Variants in SH3RF2 observed in about 807,000 individuals in gnomAD.
SH3RF2 encodes the protein E3 ubiquitin-protein ligase SH3RF2.
In SH3RF2, 43 loss-of-function variants were observed where a neutral mutation model predicts 59.0. That is an observed-to-expected ratio of 0.73 (90% CI 0.57 to 0.94). The LOEUF (loss-of-function observed/expected upper bound fraction) is 0.94, where lower values mean the gene tolerates loss of function less well. Among genes scored for constraint, SH3RF2 ranks in the 40% least tolerant of loss-of-function variants. The pLI is 0.00. For synonymous variants in SH3RF2, 391 were observed against 391.5 expected, an observed-to-expected ratio of 1.00 and a Z score of 0.01; for missense variants, 930 against 940.1, an observed-to-expected ratio of 0.99 and a Z score of 0.14.
chr5:146,051,465 G>A (rs1031396959), intron 7 of SH3RF2, among the ~76,000 whole-genome samples: 5 of 152,326 alleles, frequency 3.3e-5, no homozygotes, highest in East Asian at 1.9e-4. Flanking sequence ...GAATTGAACC[G>A]AAGTGTTAGC....
downstream of SH3RF2, among the ~76,000 whole-genome samples, chr5:146,064,627 GA>G (rs1763008317): frequency 8.9e-6 from 1 of 112,094 alleles, no homozygotes; most frequent in Non-Finnish European, 1.8e-5. Flanking sequence ...GAGAGAGAGA[GA>G]GGAGAGAGAG....
At chr5:145,971,868 GATA>G (rs754079733) in intron 2 of SH3RF2, among the ~76,000 whole-genome samples, 21 of 142,732 alleles carry the variant, frequency 1.5e-4, no homozygotes, top group Non-Finnish European at 2.5e-4. Flanking sequence ...AAATAATAGT[GATA>G]ATGATGATGA....
chr5:146,061,845 T>G (rs1762904389), intron 9 of SH3RF2, among the ~76,000 whole-genome samples: 1 of 152,094 alleles, frequency 6.6e-6, no homozygotes, highest in African/African-American at 2.4e-5. Context: ...AAGAGACATA[T>G]GAAATTCTGA....
chr5:146,053,332 C>T (rs1209916762), intron 7 of SH3RF2, among the ~76,000 whole-genome samples: 3 of 152,118 alleles, frequency 2.0e-5, no homozygotes, highest in Non-Finnish European at 4.4e-5. Context: ...TTATATAGAA[C>T]ATTTGTCAAG....
intron 5 of SH3RF2, among the ~76,000 whole-genome samples, chr5:146,024,245 T>G (rs1215471320): frequency 1.3e-5 from 2 of 152,218 alleles, no homozygotes; most frequent in African/African-American, 4.8e-5. Context: ...AACACTTGTT[T>G]TATTATCAAT....
At chr5:145,989,240 A>G (rs1174026286) in intron 2 of SH3RF2, among the ~76,000 whole-genome samples, 1 of 152,232 alleles carries the variant, frequency 6.6e-6, no homozygotes, top group African/African-American at 2.4e-5. Flanking sequence ...CCTTTGTGTA[A>G]GTGTGTATAA....
chr5:146,045,782 G>A (rs1762279439), intron 5 of SH3RF2, among the ~76,000 whole-genome samples: 1 of 152,186 alleles, frequency 6.6e-6, no homozygotes, highest in Non-Finnish European at 1.5e-5. Context: ...TAATGCTGCT[G>A]AAACATTTGC....
intron 2 of SH3RF2, among the ~76,000 whole-genome samples, chr5:145,991,430 G>A (rs889348467): frequency 1.3e-5 from 2 of 152,152 alleles, no homozygotes; most frequent in African/African-American, 4.8e-5. Context: ...CCTCTTCAGA[G>A]TCATTCACTC....
intron 5 of SH3RF2, among the ~76,000 whole-genome samples, chr5:146,043,531 A>T (rs533038510): frequency 6.6e-6 from 1 of 152,324 alleles, no homozygotes; most frequent in African/African-American, 2.4e-5. Context: ...CAGTTCAAAA[A>T]CTTTTGGTAA....
rs528005549 is a variant in SH3RF2, at chr5:146,002,117, C to T, written c.648+1790C>T. On this transcript the variant is annotated intron_variant, in intron 3 of 9. Transcript: ENST00000359120. ...TAACAAAACAGACATAGGCCCTGCA[C>T]ACATGAAGTTTATAGTCAGATAGGG... Among the ~76,000 whole-genome samples the T allele has an allele frequency of 1.4e-4, 21 of 152,306 alleles. No individual in the cohort carries two copies. In the South Asian group the frequency reaches 4.4e-3, roughly 32 times the overall value.
At chr5:145,999,962 G>A in intron 2 of SH3RF2, 96 bp from the exon 3 acceptor site, 1 of 1,468,796 alleles carries the variant, frequency 6.8e-7, no homozygotes, top group Non-Finnish European at 9.1e-7. Context: ...TGCAAAGCAT[G>A]TTAAAGCAAA....
intron 2 of SH3RF2, among the ~76,000 whole-genome samples, chr5:145,951,819 C>T (rs2149946724): frequency 6.6e-6 from 1 of 152,316 alleles, no homozygotes; most frequent in Admixed American, 6.5e-5. Flanking sequence ...GCTGGACTAC[C>T]TCGCTTAGTT....
chr5:146,049,436 C>G (rs113713442), intron 7 of SH3RF2, among the ~76,000 whole-genome samples, 191 bp downstream of exon 7: 2 of 152,216 alleles, frequency 1.3e-5, no homozygotes, highest in African/African-American at 4.8e-5. Flanking sequence ...TAGCCCTTCA[C>G]AGCTTACAAG....
intron 2 of SH3RF2, among the ~76,000 whole-genome samples, chr5:145,958,615 A>G (rs976899025): frequency 2.0e-5 from 3 of 152,220 alleles, no homozygotes; most frequent in African/African-American, 7.2e-5. Context: ...ATCTGGTCCG[A>G]TATCTTCTTA....
chr5:146,081,292 C>T (rs17796870), exon 10 of SH3RF2: 33,931 of 151,756 alleles, frequency 0.22, 4,851 homozygotes, highest in Admixed American at 0.34. Context: ...TTCAAGTCCT[C>T]TTTTCCTGGA....
chr5:145,949,428 G>A (rs1295227960), intron 2 of SH3RF2, among the ~76,000 whole-genome samples: 1 of 152,224 alleles, frequency 6.6e-6, no homozygotes, highest in East Asian at 1.9e-4. Context: ...GTTCGTCTGT[G>A]ATATTAACGA....
rs1302945935 is a variant in SH3RF2, at chr5:146,059,535, CGT to C, written c.1556-320_1556-319del. Among the ~76,000 whole-genome samples, 28 of 150,922 alleles carry C rather than the reference CGT, an allele frequency of 1.9e-4. No individual in the cohort carries two copies. In the South Asian group the frequency reaches 3.4e-3, roughly 18 times the overall value. On this transcript the variant is annotated intron_variant, in intron 8 of 9. Coordinates refer to ENST00000359120, the MANE Select transcript of SH3RF2 (RefSeq NM_152550.4). ...TGCCTCTGTGTCTGCTTCACGCGCGCGTGTGTGTGTGTACGTGTGTGTGTGCG... is the reference window on the plus strand; with the variant it reads ...TGCCTCTGTGTCTGCTTCACGCGCGCGTGTGTGTGTACGTGTGTGTGTGCG...
intron 5 of SH3RF2, among the ~76,000 whole-genome samples, chr5:146,043,497 T>A (rs966993069): frequency 1.3e-5 from 2 of 152,202 alleles, no homozygotes; most frequent in Non-Finnish European, 2.9e-5. Context: ...TTATATACAA[T>A]AACACTTAAG....
intron 8 of SH3RF2, among the ~76,000 whole-genome samples, chr5:146,058,969 C>CA (rs1250379612): frequency 6.6e-6 from 1 of 151,902 alleles, no homozygotes; most frequent in Non-Finnish European, 1.5e-5. Context: ...ATCCTTTACC[C>CA]AAAAATAATG....
Sources: gnomAD v4.1 joint callset for allele counts (sites outside exome capture counted in the v4.1 genomes callset) on GRCh38, gnomAD v4.1.1 for gene constraint, MANE v1.5 for transcripts, NCBI Gene and HGNC (gene_info 2026-07-23, HGNC 2026-07-21) for gene names.